STXBP4: variants seen among roughly 807,000 people sequenced by gnomAD.
STXBP4 encodes syntaxin binding protein 4, also known as syntaxin-binding protein 4.
In STXBP4, 55 loss-of-function variants were observed where a neutral mutation model predicts 76.1. The observed-to-expected ratio is 0.72, with a 90% CI of 0.58 to 0.91. The LOEUF (loss-of-function observed/expected upper bound fraction) is 0.91, where lower values mean the gene tolerates loss of function less well. Among genes scored for constraint, STXBP4 ranks in the 40% least tolerant of loss-of-function variants. STXBP4 has a pLI of 0.00. For synonymous variants in STXBP4, 201 were observed against 220.2 expected (o/e 0.91, Z 0.77); for missense variants, 618 against 636.9 (o/e 0.97, Z 0.32).
At chr17:55,152,575 A>C (rs2080228155) in intron 17 of STXBP4, among the ~76,000 whole-genome samples, 1 of 152,172 alleles carries the variant, frequency 6.6e-6, no homozygotes. Flanking sequence ...AAGGGGAAGC[A>C]GGCACCTTCT....
At chr17:55,211,300 C>T in the STXBP4 span, among the ~76,000 whole-genome samples, 3 of 151,976 alleles carry the variant, frequency 2.0e-5, no homozygotes, top group East Asian at 3.9e-4. Flanking sequence ...AGTGCAGTGG[C>T]GAGATATGGG....
At chr17:55,041,373 T>C (rs1397715976) in intron 10 of STXBP4, among the ~76,000 whole-genome samples, 5 of 151,878 alleles carry the variant, frequency 3.3e-5, no homozygotes, top group Non-Finnish European at 5.9e-5. Flanking sequence ...TACCCCGCCA[T>C]GTCTGGCTAA....
chr17:55,116,096 A>G (rs552514930), intron 16 of STXBP4, among the ~76,000 whole-genome samples: 1 of 151,924 alleles, frequency 6.6e-6, no homozygotes, highest in East Asian at 1.9e-4. Flanking sequence ...TGAGCTACTT[A>G]TGTCTCAAGA....
intron 12 of STXBP4, among the ~76,000 whole-genome samples, 193 bp from the exon 13 acceptor site, chr17:55,072,704 AAAG>A (rs2079135719): frequency 6.6e-6 from 1 of 152,196 alleles, no homozygotes; most frequent in Non-Finnish European, 1.5e-5. Flanking sequence ...TGAAATCAAC[AAAG>A]GAAAAAGTAA....
At chr17:55,181,541 A>G in the STXBP4 span, among the ~76,000 whole-genome samples, 2 of 152,202 alleles carry the variant, frequency 1.3e-5, no homozygotes, top group Non-Finnish European at 2.9e-5. Flanking sequence ...CTTGGTTCCC[A>G]TAAGAAGCAC....
In STXBP4 at chr17:55,053,809, A is replaced by G. The variant is rs1415555567; in HGVS notation, c.1011+6655A>G. On this transcript the variant is annotated intron_variant, in intron 12 of 17. Transcript: ENST00000376352. Reference sequence around the variant, plus strand: ...GTTTGCATCCTGAAAATGGACATTTACAAATCTTTCTTGTTAGTTTTTATA... The same window carrying G: ...GTTTGCATCCTGAAAATGGACATTTGCAAATCTTTCTTGTTAGTTTTTATA... Among the ~76,000 whole-genome samples, 4 of 152,124 alleles carry G rather than the reference A, an allele frequency of 2.6e-5. No individual in the cohort carries two copies. The South Asian group carries it at 6.2e-4, about 24-fold the overall frequency.
intron 4 of STXBP4, among the ~76,000 whole-genome samples, chr17:54,997,551 TATAA>T (rs2077826498): frequency 6.9e-6 from 1 of 145,892 alleles, no homozygotes; most frequent in South Asian, 2.1e-4. Context: ...ATATATATAA[TATAA>T]ATATATATAT....
intron 16 of STXBP4, among the ~76,000 whole-genome samples, chr17:55,125,070 A>G (rs1387715573): frequency 2.0e-5 from 3 of 152,238 alleles, no homozygotes; most frequent in Admixed American, 1.3e-4. Flanking sequence ...TTTAGAGGAC[A>G]GAAACATTCA....
At chr17:55,006,169 C>G (rs2078005145) in intron 7 of STXBP4, among the ~76,000 whole-genome samples, 1 of 151,938 alleles carries the variant, frequency 6.6e-6, no homozygotes, top group South Asian at 2.1e-4. Flanking sequence ...AAGTTTAATT[C>G]CATTTGAAGC....
At chr17:55,206,379 C>T in the STXBP4 span, among the ~76,000 whole-genome samples, 1 of 152,126 alleles carries the variant, frequency 6.6e-6, no homozygotes, top group African/African-American at 2.4e-5. Context: ...GAAATCCAGC[C>T]AGTAAAATGA....
intron 16 of STXBP4, among the ~76,000 whole-genome samples, chr17:55,126,890 G>C (rs532558836): frequency 2.8e-4 from 42 of 152,190 alleles, no homozygotes; most frequent in Non-Finnish European, 5.9e-4. Context: ...ACAGCATAAA[G>C]ATGAAAGGAA....
At chr17:54,979,268 TCA>T (rs960560227) in intron 1 of STXBP4, among the ~76,000 whole-genome samples, 4 of 152,210 alleles carry the variant, frequency 2.6e-5, no homozygotes, top group Non-Finnish European at 5.9e-5. Flanking sequence ...TGCTGAATTT[TCA>T]CTTTTAAGGG....
rs1439124518 is a variant in STXBP4, at chr17:54,999,843, G to T, written c.498+1G>T. 2 of 1,598,676 alleles carry T rather than the reference G, an allele frequency of 1.3e-6. No homozygotes were observed. The highest frequency in any genetic ancestry group is 1.7e-6 in the Non-Finnish European group (2 of 1,168,362). ...TAATGACATTTTATCTTCTTGTGAG[G>T]TAAGTCAGGTAATCTTAAATTTCTC... On this transcript the variant is annotated splice_donor_variant, in intron 6 of 17. Coordinates refer to ENST00000376352, the MANE Select transcript of STXBP4 (RefSeq NM_178509.6). LOFTEE classifies it high-confidence loss of function.
At chr17:55,017,748 T>C (rs535263705) in intron 8 of STXBP4, among the ~76,000 whole-genome samples, 2 of 152,074 alleles carry the variant, frequency 1.3e-5, no homozygotes, top group South Asian at 2.1e-4. Flanking sequence ...CCCAAGAAAA[T>C]TGAAAGCGGA....
In STXBP4 at chr17:55,169,618, G is replaced by T. The variant is rs568892307; in HGVS notation, c.*9707G>T. The T allele has an allele frequency of 9.8e-5, 15 of 152,286 alleles. 1 individual carries two copies. In the South Asian group the frequency reaches 3.1e-3, roughly 32 times the overall value. The allele number at this position is 152,286 out of a possible 1,614,324, so 9.4% of individuals were successfully genotyped here. On this transcript the variant is annotated 3_prime_UTR_variant, in exon 18 of 18. Coordinates refer to ENST00000376352, the MANE Select transcript of STXBP4 (RefSeq NM_178509.6). ...TGTGTCTTAGAATCGATAAAATATG[G>T]TATAGAGAATCAAGTCTCCTTGTTC...
chr17:55,013,080 C>T (rs2078142486), intron 8 of STXBP4, among the ~76,000 whole-genome samples: 1 of 152,184 alleles, frequency 6.6e-6, no homozygotes, highest in South Asian at 2.1e-4. Context: ...AGTAAGATCT[C>T]TCCCTGTATT....
At chr17:55,141,800 G>C (rs187506203) in intron 17 of STXBP4, among the ~76,000 whole-genome samples, 46 of 152,256 alleles carry the variant, frequency 3.0e-4, no homozygotes, top group Admixed American at 1.1e-3. Context: ...AGCATTTGCT[G>C]TTTGCCAGGC....
chr17:55,040,075 A>G (rs999547834), intron 10 of STXBP4, among the ~76,000 whole-genome samples: 3 of 152,164 alleles, frequency 2.0e-5, no homozygotes, highest in African/African-American at 4.8e-5. Context: ...AGGAGTAGAC[A>G]TGAAAGTAAC....
chr17:55,100,615 AATG>A (rs1284369216), intron 16 of STXBP4, among the ~76,000 whole-genome samples: 2 of 152,192 alleles, frequency 1.3e-5, no homozygotes, highest in Admixed American at 6.6e-5. Context: ...TTAAAGCAGT[AATG>A]ACAAAGTAGA....
Sources: allele counts gnomAD v4.1 joint callset (sites outside exome capture counted in the v4.1 genomes callset), GRCh38; gene constraint gnomAD v4.1.1; transcripts MANE v1.5; gene names NCBI Gene and HGNC (gene_info 2026-07-23, HGNC 2026-07-21).